VWF: variants seen among roughly 807,000 people sequenced by gnomAD.
VWF encodes the protein von Willebrand factor, also known as Factor VIII related antigen.
Under a neutral mutation model 308.6 loss-of-function variants are expected in VWF, and 176 were observed. That is an observed-to-expected ratio of 0.57 (90% CI 0.50 to 0.65). The LOEUF (loss-of-function observed/expected upper bound fraction) is 0.65, where lower values mean the gene tolerates loss of function less well. Ranked by LOEUF, VWF falls within the 30% of genes least tolerant of loss-of-function variation. VWF has a pLI of 0.00. For missense variants in VWF, 3,146 were observed against 3,648.2 expected, an observed-to-expected ratio of 0.86 and a Z score of 3.55; for synonymous variants, 1,385 against 1,443.4, an observed-to-expected ratio of 0.96 and a Z score of 0.92.
chr12:6,067,563 G>A (rs1010755633), intron 10 of VWF, among the ~76,000 whole-genome samples: 8 of 152,080 alleles, frequency 5.3e-5, no homozygotes, highest in Non-Finnish European at 1.0e-4. Context: ...TTATCTCCTC[G>A]GTACAACTGA....
intron 18 of VWF, among the ~76,000 whole-genome samples, chr12:6,037,923 G>A (rs1944355919): frequency 6.6e-6 from 1 of 152,174 alleles, no homozygotes; most frequent in Non-Finnish European, 1.5e-5. Flanking sequence ...TGGGGGGAGG[G>A]AAATAGGAAG....
intron 37 of VWF, 101 bp from the exon 38 acceptor site, chr12:5,992,119 G>T: frequency 1.8e-6 from 2 of 1,114,056 alleles, no homozygotes; most frequent in Non-Finnish European, 2.6e-6. Context: ...AACTTGCCAG[G>T]GCAGAGACGG....
intron 50 of VWF, among the ~76,000 whole-genome samples, chr12:5,951,279 T>C (rs1943186982): frequency 6.6e-6 from 1 of 152,138 alleles, no homozygotes; most frequent in South Asian, 2.1e-4. Context: ...AGGACATAAC[T>C]ACGAGGTAAA....
chr12:6,076,994 C>G (rs1350795412), intron 6 of VWF, among the ~76,000 whole-genome samples: 1 of 152,198 alleles, frequency 6.6e-6, no homozygotes, highest in Non-Finnish European at 1.5e-5. Flanking sequence ...CTTGCTAGGC[C>G]TCCACCCACT....
Position 6,016,207 on chromosome 12 carries a change from T to A in VWF, c.5337A>T (p.Arg1779=), listed in dbSNP as rs1454087402. The change falls in exon 31 of 52, where the codon CGA becomes CGT. Residue 1779 remains arginine, a synonymous_variant. Transcript: ENST00000261405. The stretch of plus-strand genomic sequence containing the variant: ...CACCATGCATTTCTGAAGTCAAGTA[T>A]CGCACAGCAAAGCCCAAGGCATCCC... The part of the protein sequence containing the change: ...QIGDALGFAV[R]YLTSEMHGAR... The A allele has an allele frequency of 1.2e-6, 2 of 1,614,132 alleles. No homozygotes were observed. Among genetic ancestry groups the A allele is most frequent in the South Asian group, 2.2e-5 (2 of 91,052 alleles).
intron 36 of VWF, 74 bp downstream of exon 36, chr12:5,994,341 A>T (rs150161959): frequency 1.9e-6 from 3 of 1,599,048 alleles, no homozygotes; most frequent in African/African-American, 2.7e-5. Flanking sequence ...AGCATCCAAG[A>T]GCCTCAGAGT....
At chr12:6,073,836 C>A in intron 7 of VWF, 95 bp from the exon 8 acceptor site, 1 of 1,572,272 alleles carries the variant, frequency 6.4e-7, no homozygotes, top group South Asian at 1.1e-5. Flanking sequence ...CGTGCCCACT[C>A]TGACTGCTCC....
chr12:6,092,614 T>TGAGTGAGAGAGAGA (rs71064187), intron 6 of VWF, among the ~76,000 whole-genome samples: 3,638 of 85,332 alleles, frequency 0.043, 174 homozygotes, highest in East Asian at 0.059. Context: ...AGTGAGTGAG[T>TGAGTGAGAGAGAGA]GAGAGTGTGT....
intron 6 of VWF, among the ~76,000 whole-genome samples, chr12:6,093,654 G>A (rs1015827522): frequency 1.3e-5 from 2 of 152,178 alleles, no homozygotes; most frequent in African/African-American, 4.8e-5. Context: ...TTCCCCACAG[G>A]AGTCCAGCTT....
chr12:5,997,763 C>T (rs1340039855), intron 34 of VWF, among the ~76,000 whole-genome samples: 2 of 152,178 alleles, frequency 1.3e-5, no homozygotes, highest in East Asian at 3.8e-4. Context: ...CTTCCATCTC[C>T]AGAATACCAA....
intron 28 of VWF, 94 bp downstream of exon 28, chr12:6,018,271 A>G: frequency 2.0e-6 from 3 of 1,481,538 alleles, no homozygotes; most frequent in Non-Finnish European, 1.8e-6. Flanking sequence ...AGCCAGGATT[A>G]GAACCCGAGT....
At chr12:6,122,540 T>G (rs1453227358) in intron 2 of VWF, among the ~76,000 whole-genome samples, 1 of 152,308 alleles carries the variant, frequency 6.6e-6, no homozygotes, top group South Asian at 2.1e-4. Context: ...AATGTGTATT[T>G]TTTTTCCCAG....
chr12:6,101,700 C>T (rs11064025), intron 5 of VWF, among the ~76,000 whole-genome samples: 14,851 of 151,994 alleles, frequency 0.098, 2,344 homozygotes, highest in African/African-American at 0.33. Context: ...TGCTTGAACC[C>T]GGCAGGCGGA....
In VWF at chr12:6,029,395, C is replaced by A. The variant is rs150418484; in HGVS notation, c.2914G>T (p.Val972Leu). The stretch of plus-strand genomic sequence containing the variant: ...ATGCTCAGGTGGCGGTCCCAGACCA[C>A]GGAGAGGGCTTTGCCCAGCAGCAGA... The part of the protein sequence containing the change: ...IILLLGKALS[V>L]VWDRHLSISV... Residue 972 changes from valine (V) to leucine (L), a missense_variant, in exon 22 of 52, where the codon GTG (valine) becomes TTG (leucine). This residue lies in a region of VWF where 1,304 missense variants were observed against 1,353.0 expected (regional missense o/e 0.96). Transcript: ENST00000261405. 13 of 1,614,146 alleles carry A rather than the reference C, an allele frequency of 8.1e-6. No homozygotes were observed. In the East Asian group the frequency reaches 2.9e-4, roughly 36 times the overall value.
chr12:6,027,617 C>T (rs1052292101), intron 22 of VWF, among the ~76,000 whole-genome samples: 4 of 151,964 alleles, frequency 2.6e-5, no homozygotes, highest in Non-Finnish European at 5.9e-5. Flanking sequence ...ACATTGCCAG[C>T]GTTGAATATG....
Position 5,967,578 on chromosome 12 carries a change from C to T in VWF, c.7795G>A (p.Val2599Met). The change falls in exon 47 of 52, where the codon GTG becomes ATG. Residue 2599 changes from valine to methionine, a missense_variant. Val to Met is a conservative substitution (Grantham distance 21, BLOSUM62 1). Coordinates refer to ENST00000261405, the MANE Select transcript of VWF (RefSeq NM_000552.5). The stretch of plus-strand genomic sequence containing the variant: ...ACCATGCAGCGGCAGGTCGTGCACA[C>T]ATCGATCATCACAGTCTTCCCGGGC... Reference protein sequence around the residue: ...IGPGKTVMIDVCTTCRCMVQV... With the variant: ...IGPGKTVMIDMCTTCRCMVQV... The T allele has an allele frequency of 1.9e-6, 3 of 1,614,026 alleles. No homozygotes were observed. The highest frequency in any genetic ancestry group is 2.5e-6 in the Non-Finnish European group (3 of 1,180,026).
intron 15 of VWF, among the ~76,000 whole-genome samples, chr12:6,053,840 G>A (rs1463450942): frequency 6.6e-6 from 1 of 152,238 alleles, no homozygotes; most frequent in African/African-American, 2.4e-5. Context: ...TATTGCTAAG[G>A]AAACAGCCCC....
rs367630476 is a variant in VWF, at chr12:5,949,741, G to A, written c.8253+45C>T. 3.8e-5 allele frequency: 60 copies of A among 1,583,964 alleles called. No individual in the cohort carries two copies. In the African/African-American group the frequency reaches 7.4e-4, roughly 20 times the overall value. ...CTAAGGATAGGTATCCGAACACGGA[G>A]GCTCAGCCCTCCACACCCAGCCCTT... On this transcript the variant is annotated intron_variant, in intron 51 of 51. Transcript: ENST00000261405.
At chr12:5,980,571 G>A (rs1283024086) in intron 42 of VWF, among the ~76,000 whole-genome samples, 2 of 152,132 alleles carry the variant, frequency 1.3e-5, no homozygotes, top group East Asian at 3.8e-4. Context: ...AACATTAATA[G>A]AAAAACAGCA....
Sources: gnomAD v4.1 joint callset for allele counts (sites outside exome capture counted in the v4.1 genomes callset) on GRCh38, gnomAD v4.1.1 for gene constraint, gnomAD v4.1.1 regional missense constraint, MANE v1.5 for transcripts, NCBI Gene and HGNC (gene_info 2026-07-23, HGNC 2026-07-21) for gene names.